The following ZNF626 variants were observed in gnomAD, a reference collection of about 807,000 sequenced individuals.
The protein encoded by ZNF626 is CTC-513N18.7.
A neutral mutation model predicts 11.7 loss-of-function variants in ZNF626; 4 were observed. The ratio of observed to expected loss-of-function variants is 0.34; its 90% CI spans 0.17 to 0.78. The LOEUF is 0.78. ZNF626 is among the 30% of genes least tolerant of loss of function. The probability of loss-of-function intolerance (pLI) is 0.57; values close to 1 mark genes in which losing one functional copy is unlikely to be tolerated. For synonymous variants in ZNF626, 179 were observed against 198.6 expected (o/e 0.90, Z 0.83); for missense variants, 588 against 587.1 (o/e 1.00, Z -0.01).
Position 20,648,371 on chromosome 19 carries a change from CTTCTTCTTCT to C in ZNF626, c.4-1976_4-1967del, listed in dbSNP as rs1470339700. 1.5e-4 allele frequency among the ~76,000 whole-genome samples: 22 copies of C among 145,762 alleles called. 1 individual carries two copies. Among genetic ancestry groups the C allele is most frequent in the Non-Finnish European group, 2.3e-4 (15 of 66,644 alleles). On this transcript the variant is annotated intron_variant, in intron 1 of 3. Transcript: ENST00000601440. ...TTTAAATAAGCATTTTCTTCTTCTT[CTTCTTCTTCT>C]TTTTTTTTTTTCTGAGATGGAGTCT...
chr19:20,624,807 G>T lies in ZNF626; in HGVS notation c.1070C>A (p.Thr357Asn). The change falls in exon 4 of 4, where the codon ACT becomes AAT. Residue 357 changes from threonine (T) to asparagine (N), a missense_variant. Around this residue, in one of 4 missense-constraint regions of ZNF626, gnomAD observed 524 missense variants for 470.1 expected, o/e 1.11. Coordinates refer to ENST00000601440, the MANE Select transcript of ZNF626 (RefSeq NM_001076675.3). Reference sequence around the variant, plus strand: ...TCCAGTATGAATTCTCTTATGTGTAGTAAGGGTAGAGGAGTACTTAAAGGC... The same window carrying T: ...TCCAGTATGAATTCTCTTATGTGTATTAAGGGTAGAGGAGTACTTAAAGGC... Reference protein sequence around the residue: ...GKAFKYSSTLTTHKRIHTGEK... With the variant: ...GKAFKYSSTLNTHKRIHTGEK... 2 of 1,613,694 alleles carry T rather than the reference G, an allele frequency of 1.2e-6. No individual in the cohort carries two copies. Among genetic ancestry groups the T allele is most frequent in the Non-Finnish European group, 1.7e-6 (2 of 1,179,958 alleles).
intron 3 of ZNF626, among the ~76,000 whole-genome samples, chr19:20,642,490 G>A (rs1010574372): frequency 2.0e-5 from 3 of 152,100 alleles, no homozygotes; most frequent in Non-Finnish European, 4.4e-5. Flanking sequence ...CAGCTATTCC[G>A]GAGGCTGAGG....
chr19:20,660,201 G>A (rs1283365748), intron 1 of ZNF626, among the ~76,000 whole-genome samples: 1 of 138,058 alleles, frequency 7.2e-6, no homozygotes, highest in Admixed American at 7.9e-5. Flanking sequence ...CCGAGATCAC[G>A]CCATTACATT....
chr19:20,638,743 T>A (rs1210514752), intron 3 of ZNF626, among the ~76,000 whole-genome samples: 1 of 152,086 alleles, frequency 6.6e-6, no homozygotes, highest in Non-Finnish European at 1.5e-5. Context: ...TCTTTCTATA[T>A]GTATATGTGT....
chr19:20,632,046 G>T (rs573269261), intron 3 of ZNF626, among the ~76,000 whole-genome samples: 1 of 152,192 alleles, frequency 6.6e-6, no homozygotes, highest in South Asian at 2.1e-4. Context: ...CTTCACTTAT[G>T]CAGCTTAGTT....
At chr19:20,634,668 G>A (rs1002212062) in intron 3 of ZNF626, among the ~76,000 whole-genome samples, 5 of 146,536 alleles carry the variant, frequency 3.4e-5, no homozygotes, top group African/African-American at 1.3e-4. Flanking sequence ...CGAAAAAGGA[G>A]TAATATTGTG....
chr19:20,661,369 G>A lies in ZNF626; in HGVS notation c.3+75C>T. On this transcript the variant is annotated intron_variant, in intron 1 of 3. Transcript: ENST00000601440. The stretch of plus-strand genomic sequence containing the variant: ...TGGAGCTGACTGCGGGGAGGCCTGA[G>A]TCCCGCCACAGCCACTTTTCACCGG... 5 of 1,598,970 alleles carry A rather than the reference G, an allele frequency of 3.1e-6. No individual in the cohort carries two copies. The South Asian group carries it at 4.4e-5, about 14-fold the overall frequency.
chr19:20,627,913 A>G (rs1969858323), intron 3 of ZNF626, among the ~76,000 whole-genome samples: 2 of 152,218 alleles, frequency 1.3e-5, no homozygotes, highest in East Asian at 1.9e-4. Flanking sequence ...GTATCTCCCA[A>G]TGCTATCCCT....
intron 3 of ZNF626, among the ~76,000 whole-genome samples, chr19:20,635,409 G>A (rs1439995510): frequency 6.6e-6 from 1 of 152,074 alleles, no homozygotes; most frequent in African/African-American, 2.4e-5. Context: ...TGCAACCTCC[G>A]CCTCCTGGGT....
At chr19:20,648,852 T>C (rs1970114465) in intron 1 of ZNF626, among the ~76,000 whole-genome samples, 1 of 152,232 alleles carries the variant, frequency 6.6e-6, no homozygotes, top group Non-Finnish European at 1.5e-5. Context: ...TTGCAGATCA[T>C]AAATTCTTGC....
chr19:20,651,536 C>T (rs753165303), intron 1 of ZNF626, among the ~76,000 whole-genome samples: 1 of 152,120 alleles, frequency 6.6e-6, no homozygotes, highest in Non-Finnish European at 1.5e-5. Context: ...CAACCTAAGA[C>T]ACCTCTTGTA....
chr19:20,646,512 G>T, intron 1 of ZNF626, 107 bp from the exon 2 acceptor site: 1 of 1,564,018 alleles, frequency 6.4e-7, no homozygotes, highest in Non-Finnish European at 8.6e-7. Context: ...TGACTTATAG[G>T]ACTGACTAAA....
At chr19:20,630,207 C>T (rs185753023) in intron 3 of ZNF626, among the ~76,000 whole-genome samples, 6 of 152,142 alleles carry the variant, frequency 3.9e-5, no homozygotes, top group South Asian at 2.1e-4. Context: ...ATTTTTGCAT[C>T]GATGTTCATC....
chr19:20,656,954 C>T (rs1456114052), intron 1 of ZNF626, among the ~76,000 whole-genome samples: 4 of 151,966 alleles, frequency 2.6e-5, no homozygotes, highest in African/African-American at 9.7e-5. Flanking sequence ...GGTATATAGC[C>T]AAAGAAATAT....
chr19:20,646,187 T>C, intron 2 of ZNF626, 92 bp downstream of exon 2: 1 of 1,375,832 alleles, frequency 7.3e-7, no homozygotes, highest in Non-Finnish European at 9.6e-7. Context: ...TCTGAAACTC[T>C]TTTATGCAAA....
Position 20,620,846 on chromosome 19 carries a change from CT to C in ZNF626, c.*3443del, listed in dbSNP as rs71174719. The C allele has an allele frequency of 0.036, 5,297 of 145,576 alleles. 362 individuals carry two copies. Among genetic ancestry groups the C allele is most frequent in the African/African-American group, 0.13 (5,045 of 39,342 alleles). The allele number at this position is 145,576 out of a possible 1,614,324, so 9.0% of individuals were successfully genotyped here. On this transcript the variant is annotated 3_prime_UTR_variant, in exon 4 of 4. Coordinates refer to ENST00000601440, the MANE Select transcript of ZNF626 (RefSeq NM_001076675.3). The stretch of plus-strand genomic sequence containing the variant: ...GGCACTGCACATGGCCGTATTTTTT[CT>C]TTTTTTTTTTGTGACGGAGTCTTGC...
In ZNF626 at chr19:20,624,951, C is replaced by T. The variant is rs1969806639; in HGVS notation, c.926G>A (p.Gly309Glu). 3.1e-6 allele frequency: 5 copies of T among 1,613,496 alleles called. No homozygotes were observed. In the South Asian group the frequency reaches 5.5e-5, roughly 18 times the overall value. The change falls in exon 4 of 4, where the codon GGA becomes GAA. Residue 309 changes from glycine to glutamate, a missense_variant. By Grantham distance (98) the Gly-to-Glu change is moderately conservative. Around this residue, in one of 4 missense-constraint regions of ZNF626, gnomAD observed 524 missense variants for 470.1 expected, o/e 1.11. Transcript: ENST00000601440. ...TTCTTCACATTTGTAGGGTTTTTCT[C>T]CAGTATGAATTATCTTATGTGTAGT... is the stretch of plus-strand genomic sequence containing the variant. ...TLTTHKIIHT[G>E]EKPYKCEECD...
chr19:20,642,671 A>G lies in ZNF626; in HGVS notation c.226+3013T>C, dbSNP rs1300900689. ...ACATGCTAATACAGAACTTCAAACA[A>G]TAAGACAAATGTTTACTCATAAAAT... On this transcript the variant is annotated intron_variant, in intron 3 of 3. Transcript: ENST00000601440. Among the ~76,000 whole-genome samples the G allele has an allele frequency of 2.6e-5, 4 of 152,116 alleles. No homozygotes were observed. The East Asian group carries it at 7.7e-4, about 29-fold the overall frequency.
chr19:20,625,193 G>A lies in ZNF626; in HGVS notation c.684C>T (p.Pro228=), dbSNP rs1969812006. 1 of 1,613,054 alleles carries A rather than the reference G, an allele frequency of 6.2e-7. No individual in the cohort carries two copies. Among genetic ancestry groups the A allele is most frequent in the Admixed American group, 1.7e-5 (1 of 59,980 alleles). ...RHKKIHTGEK[P]YKCEECGKAF... is the part of the protein sequence containing the mutation. ...CTTTGCCACATTCTTCACATTTGTA[G>A]GGTTTCTCTCCAGTATGAATTTTCT... Residue 228 remains proline, a synonymous_variant, in exon 4 of 4, where the codon CCC becomes CCT. Coordinates refer to ENST00000601440, the MANE Select transcript of ZNF626 (RefSeq NM_001076675.3).
Sources: allele counts gnomAD v4.1 joint callset (sites outside exome capture counted in the v4.1 genomes callset), GRCh38; gene constraint gnomAD v4.1.1; regional missense constraint gnomAD v4.1.1; transcripts MANE v1.5; gene names NCBI Gene and HGNC (gene_info 2026-07-23, HGNC 2026-07-21).